Variants in NEMP2 observed in about 807,000 individuals in gnomAD.
NEMP2 encodes nuclear envelope integral membrane protein 2.
In NEMP2, 53 loss-of-function variants were observed where a neutral mutation model predicts 54.2. That is an observed-to-expected ratio of 0.98 (90% CI 0.78 to 1.23). NEMP2 has a LOEUF of 1.23. Among genes scored for constraint, NEMP2 ranks in the 50% most tolerant of loss-of-function variants. The pLI, the probability that NEMP2 is intolerant of heterozygous loss-of-function variation, is 0.00. For missense variants in NEMP2, 455 were observed against 511.3 expected, an observed-to-expected ratio of 0.89 and a Z score of 1.06; for synonymous variants, 197 against 190.3, an observed-to-expected ratio of 1.04 and a Z score of -0.29.
At chr2:190,554,102 C>T in the NEMP2 span, among the ~76,000 whole-genome samples, 2 of 152,178 alleles carry the variant, frequency 1.3e-5, no homozygotes, top group African/African-American at 4.8e-5. The surrounding 1 kb of genome is among the most constrained non-coding windows in gnomAD (Gnocchi z 5.7). Context: ...AGTCATTAGG[C>T]ACTGTACCAT....
the NEMP2 span, among the ~76,000 whole-genome samples, chr2:190,444,582 A>G: frequency 6.6e-6 from 1 of 152,318 alleles, no homozygotes; most frequent in Admixed American, 6.5e-5. Context: ...CGAAGTCATC[A>G]TTCTCCACAA....
rs1039845173 is a variant in NEMP2 at position 190,530,341 on chromosome 2, T to G, written c.97+4218A>C. Among the ~76,000 whole-genome samples, 1 of 152,222 alleles carries G rather than the reference T, an allele frequency of 6.6e-6. No homozygotes were observed. The highest frequency in any genetic ancestry group is 1.5e-5 in the Non-Finnish European group (1 of 68,038). ...CACAAAGTGTCAGTGCTTCATGGTGTCCTCTGGCTGCCCTTTTTTCTTATC... is the reference window on the plus strand; with the variant it reads ...CACAAAGTGTCAGTGCTTCATGGTGGCCTCTGGCTGCCCTTTTTTCTTATC... On this transcript the variant is annotated intron_variant, in intron 1 of 8. Coordinates refer to ENST00000409150, the MANE Select transcript of NEMP2 (RefSeq NM_001142645.2). The surrounding 1 kb of genome is among the most constrained non-coding windows in gnomAD (Gnocchi z 4.6).
At chr2:190,482,909 G>T in the NEMP2 span, among the ~76,000 whole-genome samples, 1 of 25,046 alleles carries the variant, frequency 4.0e-5, no homozygotes, top group South Asian at 1.2e-3. Context: ...TTTTTAGACG[G>T]AGTCTCACTC....
chr2:190,612,316 C>A, the NEMP2 span, among the ~76,000 whole-genome samples: 1 of 151,998 alleles, frequency 6.6e-6, no homozygotes, highest in South Asian at 2.1e-4. Flanking sequence ...CCACCACGCC[C>A]AGCTAATTTT....
chr2:190,473,362 C>T, the NEMP2 span, among the ~76,000 whole-genome samples: 1 of 152,120 alleles, frequency 6.6e-6, no homozygotes. Context: ...CAGAAACACA[C>T]ATAGGCTCAA....
the NEMP2 span, among the ~76,000 whole-genome samples, chr2:190,564,225 T>A: frequency 6.6e-6 from 1 of 152,250 alleles, no homozygotes; most frequent in Non-Finnish European, 1.5e-5. The surrounding 1 kb of genome is among the most constrained non-coding windows in gnomAD (Gnocchi z 4.2). Context: ...CTACTGAATT[T>A]GTGTTTACTT....
chr2:190,515,567 T>C (rs761744134), intron 6 of NEMP2, among the ~76,000 whole-genome samples: 1 of 152,212 alleles, frequency 6.6e-6, no homozygotes, highest in African/African-American at 2.4e-5. Context: ...CAGAGAGGAA[T>C]AGTGCAGTAT....
the NEMP2 span, chr2:190,488,509 TA>T: frequency 2.7e-6 from 2 of 738,822 alleles, no homozygotes; most frequent in Non-Finnish European, 4.0e-6. This position sits in a 1 kb window ranked among gnomAD's most constrained non-coding sequence, Gnocchi z 6.4. Context: ...ACCGTACATT[TA>T]AAAATGTGAA....
chr2:190,620,936 C>CA, the NEMP2 span, among the ~76,000 whole-genome samples: 386 of 152,098 alleles, frequency 2.5e-3, 4 homozygotes, highest in African/African-American at 9.0e-3. This position sits in a 1 kb window ranked among gnomAD's most constrained non-coding sequence, Gnocchi z 4.9. Flanking sequence ...GATCAAAATG[C>CA]AAGTATCAAT....
At chr2:190,639,831 G>A in the NEMP2 span, among the ~76,000 whole-genome samples, 1 of 151,918 alleles carries the variant, frequency 6.6e-6, no homozygotes. Flanking sequence ...TGTATTTTTA[G>A]TAGAGACGTG....
the NEMP2 span, among the ~76,000 whole-genome samples, chr2:190,444,205 C>T: frequency 6.6e-6 from 1 of 152,164 alleles, no homozygotes; most frequent in East Asian, 1.9e-4. Flanking sequence ...AAGGTAATAA[C>T]TTTTCTTAGC....
At chr2:190,583,835 C>T in the NEMP2 span, among the ~76,000 whole-genome samples, 1 of 152,236 alleles carries the variant, frequency 6.6e-6, no homozygotes, top group East Asian at 1.9e-4. Flanking sequence ...AGGAAAAGTA[C>T]TAAGATGCTG....
At chr2:190,625,755 T>G in the NEMP2 span, 2 of 152,226 alleles carry the variant, frequency 1.3e-5, no homozygotes, top group Non-Finnish European at 2.9e-5. Context: ...TTTTTAAAAT[T>G]TGAGGCTTCA....
At chr2:190,644,883 A>G in the NEMP2 span, among the ~76,000 whole-genome samples, 1 of 152,124 alleles carries the variant, frequency 6.6e-6, no homozygotes, top group Non-Finnish European at 1.5e-5. The surrounding 1 kb of genome is among the most constrained non-coding windows in gnomAD (Gnocchi z 4.4). Context: ...CATGTGCCCC[A>G]GAACCTAAAA....
chr2:190,523,714 CAGA>C lies in NEMP2; in HGVS notation c.213+1546_213+1548del, dbSNP rs1228578573. Reference sequence around the variant, plus strand: ...GTGCTCAAAAATGCTAGGCACATGGCAGAAGGACACAGGAGCTAGTTTGAAGGG... The same window carrying C: ...GTGCTCAAAAATGCTAGGCACATGGCAGGACACAGGAGCTAGTTTGAAGGG... On this transcript the variant is annotated intron_variant, in intron 2 of 8. Transcript: ENST00000409150. The surrounding 1 kb of genome is among the most constrained non-coding windows in gnomAD (Gnocchi z 5.3). Among the ~76,000 whole-genome samples, 2 of 152,158 alleles carry C rather than the reference CAGA, an allele frequency of 1.3e-5. No individual in the cohort carries two copies. The highest frequency in any genetic ancestry group is 4.8e-5 in the African/African-American group (2 of 41,430).
chr2:190,477,606 A>G, the NEMP2 span, among the ~76,000 whole-genome samples: 1,889 of 152,298 alleles, frequency 0.012, 17 homozygotes, highest in Non-Finnish European at 0.019. Flanking sequence ...TTTATTAAAG[A>G]TATATTAAAT....
the NEMP2 span, among the ~76,000 whole-genome samples, chr2:190,455,404 T>C: frequency 6.6e-6 from 1 of 152,162 alleles, no homozygotes; most frequent in Non-Finnish European, 1.5e-5. Context: ...GAAAGCACCT[T>C]CTAAATTTCC....
At chr2:190,549,408 T>A in the NEMP2 span, among the ~76,000 whole-genome samples, 1 of 152,220 alleles carries the variant, frequency 6.6e-6, no homozygotes, top group Non-Finnish European at 1.5e-5. Flanking sequence ...AGGAAATGGA[T>A]CTCCTCATCT....
chr2:190,597,763 G>A, the NEMP2 span, among the ~76,000 whole-genome samples: 5 of 151,868 alleles, frequency 3.3e-5, no homozygotes, highest in Admixed American at 2.6e-4. This position sits in a 1 kb window ranked among gnomAD's most constrained non-coding sequence, Gnocchi z 4.7. Flanking sequence ...ACTTTTATTT[G>A]AGGAGATGGG....
Sources: gnomAD v4.1 joint callset for allele counts (sites outside exome capture counted in the v4.1 genomes callset) on GRCh38, gnomAD v4.1.1 for gene constraint, Gnocchi (gnomAD v3.1) non-coding constraint, MANE v1.5 for transcripts, NCBI Gene and HGNC (gene_info 2026-07-23, HGNC 2026-07-21) for gene names.